ANK1: variants seen among roughly 807,000 people sequenced by gnomAD.
ANK1 encodes ankyrin-1.
Under a neutral mutation model 210.4 loss-of-function variants are expected in ANK1, and 51 were observed. The observed-to-expected ratio is 0.24, with a 90% CI of 0.19 to 0.31. The LOEUF is 0.31. ANK1 is among the 10% of genes least tolerant of loss of function. The pLI, the probability that ANK1 is intolerant of heterozygous loss-of-function variation, is 1.00. For synonymous variants in ANK1, 967 were observed against 1,025.9 expected, an observed-to-expected ratio of 0.94 and a Z score of 1.10; for missense variants, 2,051 against 2,504.4, an observed-to-expected ratio of 0.82 and a Z score of 3.86.
intron 1 of ANK1, among the ~76,000 whole-genome samples, chr8:41,806,109 C>T (rs529474300): frequency 5.7e-4 from 87 of 152,280 alleles, no homozygotes; most frequent in Non-Finnish European, 1.1e-3. Flanking sequence ...ACCCTAGAAC[C>T]CCTTGAAAGG....
intron 22 of ANK1, chr8:41,700,395 G>A (rs986686367): frequency 1.2e-6 from 2 of 1,605,790 alleles, no homozygotes; most frequent in African/African-American, 1.3e-5. Context: ...GCACTCTAGT[G>A]AGAAAAGACC....
At chr8:41,707,946 G>A (rs767152267) in intron 17 of ANK1, among the ~76,000 whole-genome samples, 7 of 152,126 alleles carry the variant, frequency 4.6e-5, no homozygotes, top group Non-Finnish European at 7.3e-5. Flanking sequence ...ATGGTTCCAC[G>A]TATATGAAAT....
At chr8:41,724,796 C>G (rs72638998) in intron 6 of ANK1, among the ~76,000 whole-genome samples, 2 of 152,138 alleles carry the variant, frequency 1.3e-5, no homozygotes, top group African/African-American at 4.8e-5. Flanking sequence ...TGGGCCCGTT[C>G]GTCAGAGTGA....
chr8:41,822,890 T>A (rs1428507584), intron 1 of ANK1, among the ~76,000 whole-genome samples: 1 of 152,164 alleles, frequency 6.6e-6, no homozygotes, highest in Non-Finnish European at 1.5e-5. Flanking sequence ...GATTTGGATG[T>A]CAGCCCTGTT....
In ANK1 at chr8:41,751,212, C is replaced by T. The variant is rs138714236; in HGVS notation, c.129+6824G>A. ...TCTAACAATAATTCTGGAAACTGAG[C>T]ATGTGAAGCTAATATGGGTCTGTGC... is the stretch of plus-strand genomic sequence containing the variant. On this transcript the variant is annotated intron_variant, in intron 2 of 42. Coordinates refer to ENST00000289734, the MANE Select transcript of ANK1 (RefSeq NM_000037.4). Among the ~76,000 whole-genome samples, 4 of 152,296 alleles carry T rather than the reference C, an allele frequency of 2.6e-5. No individual in the cohort carries two copies. The East Asian group carries it at 7.7e-4, about 29-fold the overall frequency.
intron 2 of ANK1, among the ~76,000 whole-genome samples, chr8:41,739,754 G>T (rs990554367): frequency 6.6e-6 from 1 of 152,052 alleles, no homozygotes; most frequent in African/African-American, 2.4e-5. Flanking sequence ...TTCTTACAAA[G>T]GTAGACTGCG....
intron 1 of ANK1, among the ~76,000 whole-genome samples, chr8:41,869,658 C>T (rs1289075450): frequency 6.6e-6 from 1 of 152,190 alleles, no homozygotes; most frequent in African/African-American, 2.4e-5. Context: ...CTGAAAAATG[C>T]TGCCTTGTAG....
chr8:41,788,218 G>A (rs925463475), intron 1 of ANK1, among the ~76,000 whole-genome samples: 11 of 152,172 alleles, frequency 7.2e-5, no homozygotes, highest in African/African-American at 2.4e-4. Flanking sequence ...TTCTCTGATT[G>A]CGCCCTTACC....
chr8:41,661,955 G>A lies in ANK1; in HGVS notation c.5479-14C>T. On this transcript the variant is annotated splice_polypyrimidine_tract_variant and intron_variant, in intron 40 of 42. Transcript: ENST00000289734. ...CTTGCGAATGATCTAGGAAAGGAAG[G>A]GAAGGAGGAAAGGGCTGGTCAGGCC... The A allele has an allele frequency of 6.2e-7, 1 of 1,613,324 alleles. No homozygotes were observed. Among genetic ancestry groups the A allele is most frequent in the Non-Finnish European group, 8.5e-7 (1 of 1,179,970 alleles).
At chr8:41,676,316 A>G (rs1255619808) in intron 37 of ANK1, among the ~76,000 whole-genome samples, 2 of 152,102 alleles carry the variant, frequency 1.3e-5, no homozygotes, top group African/African-American at 2.4e-5. Context: ...TATAGTTTTA[A>G]TTTGTATTTC....
At chr8:41,748,807 G>A (rs746812962) in intron 2 of ANK1, among the ~76,000 whole-genome samples, 5 of 152,170 alleles carry the variant, frequency 3.3e-5, no homozygotes, top group Non-Finnish European at 7.3e-5. Flanking sequence ...AGGCTAAGGC[G>A]GGCAGATCAC....
upstream of ANK1, among the ~76,000 whole-genome samples, chr8:41,800,631 C>T (rs1849715752): frequency 6.6e-6 from 1 of 152,180 alleles, no homozygotes; most frequent in Non-Finnish European, 1.5e-5. Flanking sequence ...TCATGCCCTG[C>T]TCCCCTCCCC....
intron 1 of ANK1, among the ~76,000 whole-genome samples, chr8:41,873,232 G>A (rs530772074): frequency 1.2e-4 from 19 of 152,282 alleles, no homozygotes; most frequent in South Asian, 1.2e-3. Context: ...ACCTTCATGC[G>A]ATGTCATTAT....
chr8:41,752,916 C>T (rs747568439), intron 2 of ANK1, among the ~76,000 whole-genome samples: 5 of 152,110 alleles, frequency 3.3e-5, no homozygotes, highest in Non-Finnish European at 5.9e-5. Flanking sequence ...GTTCACTTTC[C>T]TCTATGCTCG....
chr8:41,703,448 ATAT>A (rs1395637673), intron 20 of ANK1, among the ~76,000 whole-genome samples: 1,408 of 60,106 alleles, frequency 0.023, 5 homozygotes, highest in South Asian at 0.064. Flanking sequence ...ATATATATAT[ATAT>A]TTTTTTTTTT....
intron 2 of ANK1, among the ~76,000 whole-genome samples, chr8:41,747,027 A>C (rs1836360577): frequency 6.6e-6 from 1 of 152,126 alleles, no homozygotes; most frequent in African/African-American, 2.4e-5. Context: ...GTTTCGTCTG[A>C]ATTCCATAAT....
chr8:41,816,451 T>C (rs1470672353), intron 1 of ANK1, among the ~76,000 whole-genome samples: 3 of 152,194 alleles, frequency 2.0e-5, no homozygotes, highest in Admixed American at 2.0e-4. Context: ...TTTTTTTTCT[T>C]ATTTAGAGAT....
chr8:41,794,579 T>A (rs1318976746), intron 1 of ANK1, among the ~76,000 whole-genome samples: 1 of 152,248 alleles, frequency 6.6e-6, no homozygotes, highest in Non-Finnish European at 1.5e-5. Context: ...TTCCTTCCCC[T>A]GCTGGGAAAT....
upstream of ANK1, among the ~76,000 whole-genome samples, chr8:41,799,180 G>GT (rs928064570): frequency 5.9e-5 from 9 of 152,236 alleles, no homozygotes; most frequent in African/African-American, 9.6e-5. Flanking sequence ...TGTTGTTGTT[G>GT]TTGTTTGTTT....
Sources: allele counts gnomAD v4.1 joint callset (sites outside exome capture counted in the v4.1 genomes callset), GRCh38; gene constraint gnomAD v4.1.1; transcripts MANE v1.5; gene names NCBI Gene and HGNC (gene_info 2026-07-23, HGNC 2026-07-21).